Variants in ZC3H12B observed in about 807,000 individuals in gnomAD.
ZC3H12B encodes probable ribonuclease ZC3H12B.
ZC3H12B carries 7 observed loss-of-function variants against 43.9 expected under a neutral mutation model. That is an observed-to-expected ratio of 0.16 (90% CI 0.09 to 0.30). The LOEUF (loss-of-function observed/expected upper bound fraction) is 0.30. ZC3H12B is among the 10% of genes least tolerant of loss of function. ZC3H12B has a pLI of 1.00. For missense variants in ZC3H12B, 475 were observed against 670.2 expected, an observed-to-expected ratio of 0.71 and a Z score of 3.22; for synonymous variants, 222 against 241.7, an observed-to-expected ratio of 0.92 and a Z score of 0.76.
At chrX:65,161,924 T>G in the ZC3H12B span, among the ~76,000 whole-genome samples, 1 of 112,041 alleles carries the variant, frequency 8.9e-6, no homozygotes, top group South Asian at 3.7e-4. Context: ...CTTTCCATGT[T>G]TAGTGCTTCC....
the ZC3H12B span, among the ~76,000 whole-genome samples, chrX:65,292,228 G>A: frequency 9.0e-6 from 1 of 111,497 alleles, no homozygotes; most frequent in Admixed American, 9.5e-5. Context: ...TATCTCACAT[G>A]GAAAATTCAA....
At chrX:65,350,292 C>T in the ZC3H12B span, among the ~76,000 whole-genome samples, 5 of 111,036 alleles carry the variant, frequency 4.5e-5, no homozygotes, top group Admixed American at 1.9e-4. Flanking sequence ...TTCAACACCC[C>T]CCATGGTAAA....
upstream of ZC3H12B, among the ~76,000 whole-genome samples, chrX:65,364,565 G>A (rs1266093473): frequency 3.6e-5 from 3 of 82,418 alleles, no homozygotes; most frequent in Non-Finnish European, 3.8e-5. Context: ...CCTTGGCACC[G>A]GTCACTTCCA....
the ZC3H12B span, among the ~76,000 whole-genome samples, chrX:65,158,673 C>G: frequency 0.24 from 26,438 of 110,623 alleles, 7,607 homozygotes; most frequent in African/African-American, 0.82. Flanking sequence ...TGGATATTAG[C>G]CCTTTGTCAG....
chrX:65,176,430 C>A, the ZC3H12B span, among the ~76,000 whole-genome samples: 1 of 111,478 alleles, frequency 9.0e-6, no homozygotes, highest in South Asian at 3.8e-4. Flanking sequence ...GAACAGAGCA[C>A]CTGGGTGAAT....
At chrX:65,112,617 A>T in the ZC3H12B span, among the ~76,000 whole-genome samples, 1 of 111,687 alleles carries the variant, frequency 9.0e-6, no homozygotes, top group South Asian at 3.7e-4. Flanking sequence ...AAATCTACTA[A>T]GTCTAAGCTC....
chrX:65,037,833 C>T, the ZC3H12B span, among the ~76,000 whole-genome samples: 2 of 111,002 alleles, frequency 1.8e-5, no homozygotes, highest in Non-Finnish European at 3.8e-5. Flanking sequence ...ACATTTAGTA[C>T]TGCTATTGCT....
chrX:65,067,889 T>G, the ZC3H12B span, among the ~76,000 whole-genome samples: 1 of 111,261 alleles, frequency 9.0e-6, no homozygotes, highest in Non-Finnish European at 1.9e-5. Flanking sequence ...AACTTCCCTC[T>G]TGGTATTGCT....
the ZC3H12B span, among the ~76,000 whole-genome samples, chrX:65,219,529 G>A: frequency 9.0e-6 from 1 of 111,135 alleles, no homozygotes; most frequent in African/African-American, 3.3e-5. Flanking sequence ...AGTCTCAGAA[G>A]TATAATTGAA....
chrX:65,275,842 C>T, the ZC3H12B span, among the ~76,000 whole-genome samples: 1 of 111,814 alleles, frequency 8.9e-6, no homozygotes, highest in Non-Finnish European at 1.9e-5. Context: ...CTACAGACTC[C>T]AATCATTGGA....
At chrX:65,125,736 A>AT in the ZC3H12B span, among the ~76,000 whole-genome samples, 1 of 110,924 alleles carries the variant, frequency 9.0e-6, no homozygotes, top group Non-Finnish European at 1.9e-5. Flanking sequence ...TTCTTTGTCT[A>AT]TTAAACTGCT....
At chrX:65,450,845 A>C (rs764099402) in intron 3 of ZC3H12B, among the ~76,000 whole-genome samples, 1 of 88,704 alleles carries the variant, frequency 1.1e-5, no homozygotes, top group African/African-American at 4.1e-5. Flanking sequence ...ATATATGTAT[A>C]TATATACATA....
At chrX:65,189,937 C>T in the ZC3H12B span, among the ~76,000 whole-genome samples, 6 of 108,423 alleles carry the variant, frequency 5.5e-5, no homozygotes, top group East Asian at 2.8e-4. Context: ...TTAGGTCTAA[C>T]GTTTAAATCT....
chrX:65,236,618 TG>T, the ZC3H12B span, among the ~76,000 whole-genome samples: 1 of 112,085 alleles, frequency 8.9e-6, no homozygotes, highest in African/African-American at 3.2e-5. Context: ...ATGAAATCTT[TG>T]CCCATGCCTA....
the ZC3H12B span, among the ~76,000 whole-genome samples, chrX:65,181,255 A>G: frequency 8.9e-6 from 1 of 112,215 alleles, no homozygotes; most frequent in Non-Finnish European, 1.9e-5. Context: ...AAATTAACTC[A>G]AGATGATTTA....
chrX:65,167,772 T>C, the ZC3H12B span, among the ~76,000 whole-genome samples: 1 of 111,745 alleles, frequency 8.9e-6, no homozygotes, highest in Non-Finnish European at 1.9e-5. Context: ...GTAAGTTAGA[T>C]TCCTAGGTAT....
upstream of ZC3H12B, among the ~76,000 whole-genome samples, chrX:65,361,983 C>T (rs1042126648): frequency 8.9e-6 from 1 of 112,397 alleles, no homozygotes; most frequent in African/African-American, 3.2e-5. Flanking sequence ...ACCCTAGGAT[C>T]TTGCTTCAAG....
At chrX:65,133,475 T>C in the ZC3H12B span, among the ~76,000 whole-genome samples, 62 of 110,213 alleles carry the variant, frequency 5.6e-4, no homozygotes, top group African/African-American at 2.0e-3. Context: ...TTATATTTGA[T>C]GAAAAAGAGC....
At chrX:65,280,715 A>T in the ZC3H12B span, among the ~76,000 whole-genome samples, 1 of 111,822 alleles carries the variant, frequency 8.9e-6, no homozygotes, top group Non-Finnish European at 1.9e-5. Context: ...AATAGACAAA[A>T]ATCAGTGGCA....
Sources: gnomAD v4.1 joint callset for allele counts (sites outside exome capture counted in the v4.1 genomes callset) on GRCh38, gnomAD v4.1.1 for gene constraint, MANE v1.5 for transcripts, NCBI Gene and HGNC (gene_info 2026-07-23, HGNC 2026-07-21) for gene names.